The following MACF1 variants were observed in gnomAD, a reference collection of about 807,000 sequenced individuals.
The protein encoded by MACF1 is microtubule actin crosslinking factor 1.
In MACF1, 193 loss-of-function variants were observed where a neutral mutation model predicts 854.8. The ratio of observed to expected loss-of-function variants is 0.23; its 90% CI spans 0.20 to 0.25. The LOEUF is 0.25. Ranked by LOEUF, MACF1 falls within the 10% of genes least tolerant of loss-of-function variation. MACF1 has a pLI of 1.00. For missense variants in MACF1, 7,722 were observed against 8,929.1 expected, an observed-to-expected ratio of 0.86 and a Z score of 5.45; for synonymous variants, 3,185 against 3,226.7, an observed-to-expected ratio of 0.99 and a Z score of 0.44.
intron 6 of MACF1, among the ~76,000 whole-genome samples, chr1:39,277,219 C>G (rs1487490197): frequency 6.6e-6 from 1 of 150,456 alleles, no homozygotes; most frequent in African/African-American, 2.4e-5. Flanking sequence ...ATGAAATACC[C>G]AGAGACAATG....
Position 39,424,115 on chromosome 1 carries a change from G to C in MACF1, c.16237G>C (p.Ala5413Pro). 1 of 1,612,766 alleles carries C rather than the reference G, an allele frequency of 6.2e-7. No individual in the cohort carries two copies. Among genetic ancestry groups the C allele is most frequent in the Non-Finnish European group, 8.5e-7 (1 of 1,179,460 alleles). The change falls in exon 61 of 101, where the codon GCT becomes CCT. Residue 5413 changes from alanine to proline, a missense_variant. This residue lies in a region of MACF1 where 2,807 missense variants were observed against 3,235.8 expected (regional missense o/e 0.87). Coordinates refer to ENST00000564288, the MANE Select transcript of MACF1 (RefSeq NM_001394062.1). ...GGRIAQSAELADREKITGQLE... is the reference protein window; with the variant it reads ...GGRIAQSAELPDREKITGQLE... ...CAGAATAGCCCAGTCAGCAGAGCTG[G>C]CTGATAGAGAGAAAATCACTGGACA...
intron 49 of MACF1, among the ~76,000 whole-genome samples, chr1:39,367,908 T>G (rs1158947182): frequency 1.3e-5 from 2 of 150,810 alleles, no homozygotes; most frequent in Non-Finnish European, 2.9e-5. Flanking sequence ...AGGCGGAAGT[T>G]GCAGTGAGCC....
rs755120640 is a variant in MACF1, at chr1:39,414,097, G to A, written c.15817-8277G>A. ...CCCAGCAGCTTCAGTGCCCACCCCC[G>A]AGGAGCCTGCCTCCCCAGCAGCTGC... is the stretch of plus-strand genomic sequence containing the variant. On this transcript the variant is annotated intron_variant, in intron 58 of 100. Coordinates refer to ENST00000564288, the MANE Select transcript of MACF1 (RefSeq NM_001394062.1). 33 of 1,606,334 alleles carry A rather than the reference G, an allele frequency of 2.1e-5. No individual in the cohort carries two copies. In the Admixed American group the frequency reaches 4.4e-4, roughly 22 times the overall value.
At chr1:39,389,405 G>A (rs1569848718) in intron 58 of MACF1, among the ~76,000 whole-genome samples, 1 of 136,088 alleles carries the variant, frequency 7.3e-6, no homozygotes. Context: ...TGTAGCCCAG[G>A]TTGGAGTGCA....
Position 39,292,894 on chromosome 1 carries a change from C to G in MACF1, c.1992+51C>G, listed in dbSNP as rs772003219. ...TTCTGCTCATAGAGTCTGGTTCCCC[C>G]CAATCAACTCTCTTCCGTAATTCAG... On this transcript the variant is annotated intron_variant, in intron 17 of 100. Coordinates refer to ENST00000564288, the MANE Select transcript of MACF1 (RefSeq NM_001394062.1). 1.9e-5 allele frequency: 27 copies of G among 1,422,094 alleles called. No individual in the cohort carries two copies. In the East Asian group the frequency reaches 4.2e-4, roughly 22 times the overall value. 88.1% of individuals were successfully genotyped at this position (1,422,094 alleles called of 1,614,324 possible). A position where few individuals can be genotyped will look rare whatever the true frequency, so the allele number is the denominator to read the frequency against.
chr1:39,248,898 T>G (rs192738473), intron 2 of MACF1, among the ~76,000 whole-genome samples: 5 of 152,204 alleles, frequency 3.3e-5, no homozygotes, highest in African/African-American at 4.8e-5. Context: ...CTGGCTTTTT[T>G]TTTTGTTTTG....
chr1:39,122,602 G>A (rs762416484), intron 2 of MACF1, among the ~76,000 whole-genome samples: 1 of 152,186 alleles, frequency 6.6e-6, no homozygotes, highest in African/African-American at 2.4e-5. Context: ...TGTCTAAAAT[G>A]TAGGGCAGGT....
chr1:39,375,717 A>G (rs1411840348), intron 52 of MACF1, among the ~76,000 whole-genome samples: 1 of 152,264 alleles, frequency 6.6e-6, no homozygotes, highest in Non-Finnish European at 1.5e-5. Flanking sequence ...TCACAATGTC[A>G]GAACAGGCTT....
intron 2 of MACF1, among the ~76,000 whole-genome samples, chr1:39,165,582 G>A (rs1227165908): frequency 6.6e-6 from 1 of 152,240 alleles, no homozygotes. Flanking sequence ...TAGCTAACAA[G>A]CATACAATAC....
rs931706654 is a variant in MACF1 at position 39,370,048 on chromosome 1, T to C, written c.12957T>C (p.Ser4319=). Residue 4319 remains serine, a synonymous_variant, in exon 51 of 101, where the codon TCT becomes TCC. Transcript: ENST00000564288. ...TVKEREKDAS[S]CQEQLDEFRK... ...TTGACAGAGAGAAAGATGCATCATCTTGCCAGGAACAGTTGGATGAATTCC... is the reference window on the plus strand; with the variant it reads ...TTGACAGAGAGAAAGATGCATCATCCTGCCAGGAACAGTTGGATGAATTCC... The C allele has an allele frequency of 6.2e-7, 1 of 1,611,676 alleles. No homozygotes were observed.
intron 1 of MACF1, among the ~76,000 whole-genome samples, chr1:39,205,512 G>A (rs761979575): frequency 2.1e-4 from 32 of 152,138 alleles, no homozygotes; most frequent in Non-Finnish European, 4.1e-4. Context: ...AAAACATACA[G>A]TAACTCTTTT....
intron 6 of MACF1, among the ~76,000 whole-genome samples, chr1:39,262,567 A>T (rs1645176532): frequency 6.6e-6 from 1 of 152,180 alleles, no homozygotes. Context: ...ATGATGGAAC[A>T]CAGTATGAAC....
At chr1:39,298,051 T>C (rs1477493241) in intron 21 of MACF1, among the ~76,000 whole-genome samples, 2 of 152,104 alleles carry the variant, frequency 1.3e-5, no homozygotes, top group Non-Finnish European at 2.9e-5. Context: ...AATGTAATAG[T>C]TGGAGCCAAG....
At chr1:39,135,577 C>A (rs915039509) in intron 2 of MACF1, among the ~76,000 whole-genome samples, 1 of 151,992 alleles carries the variant, frequency 6.6e-6, no homozygotes, top group African/African-American at 2.4e-5. Context: ...GTCTAAGGTG[C>A]GTTCAAAGGC....
chr1:39,456,061 T>C (rs990392172), intron 89 of MACF1, among the ~76,000 whole-genome samples: 5 of 152,158 alleles, frequency 3.3e-5, no homozygotes, highest in Admixed American at 1.3e-4. Flanking sequence ...AGGCCAGGCG[T>C]GGTGGCTCAC....
upstream of MACF1, among the ~76,000 whole-genome samples, chr1:39,201,655 C>T (rs569704330): frequency 6.6e-6 from 1 of 151,808 alleles, no homozygotes; most frequent in African/African-American, 2.4e-5. Context: ...CCAGGCTGAG[C>T]AATCCTTTTA....
Position 39,322,957 on chromosome 1 carries a change from T to A in MACF1, c.4185T>A (p.Thr1395=), listed in dbSNP as rs956404752. The A allele has an allele frequency of 1.2e-6, 2 of 1,614,064 alleles. No homozygotes were observed. Among genetic ancestry groups the A allele is most frequent in the Admixed American group, 3.3e-5 (2 of 60,010 alleles). ...TRYTALVTLT[T]QHVKYISDAL... is the part of the protein sequence containing the mutation. ...ACACGGCATTGGTGACTTTAACAACTCAGCACGTGAAATACATCAGTGATG... is the reference window on the plus strand; with the variant it reads ...ACACGGCATTGGTGACTTTAACAACACAGCACGTGAAATACATCAGTGATG... The change falls in exon 33 of 101, where the codon ACT becomes ACA. Residue 1395 remains threonine (T), a synonymous_variant. Transcript: ENST00000564288.
chr1:39,317,131 C>A, intron 28 of MACF1, 83 bp from the exon 29 acceptor site: 1 of 1,338,516 alleles, frequency 7.5e-7, no homozygotes, highest in Non-Finnish European at 1.0e-6. Context: ...TAGCTGTAGA[C>A]CGTGTCCTTG....
At position 39,234,422 on chromosome 1, in the gene MACF1, AC is replaced by A. The variant is rs563246208; in HGVS notation, c.171+3186del. Among the ~76,000 whole-genome samples the A allele has an allele frequency of 8.9e-3, 1,278 of 143,508 alleles. 28 individuals carry two copies. The highest frequency in any genetic ancestry group is 0.032 in the African/African-American group (1,213 of 37,856). The allele number at this position is 143,508 out of a possible 152,430, so 94.1% of individuals were successfully genotyped here. Reference sequence around the variant, plus strand: ...GGGCGGCTGGCCGGGCAGGGGGCTGACCCCCCCACCTCCCTCCCGGACGGGG... The same window carrying A: ...GGGCGGCTGGCCGGGCAGGGGGCTGACCCCCCACCTCCCTCCCGGACGGGG... On this transcript the variant is annotated intron_variant, in intron 2 of 100. Transcript: ENST00000564288.
Sources: allele counts gnomAD v4.1 joint callset (sites outside exome capture counted in the v4.1 genomes callset), GRCh38; gene constraint gnomAD v4.1.1; regional missense constraint gnomAD v4.1.1; transcripts MANE v1.5; gene names NCBI Gene and HGNC (gene_info 2026-07-23, HGNC 2026-07-21).